DAPK1: variants seen among roughly 807,000 people sequenced by gnomAD.
The protein encoded by DAPK1 is death associated protein kinase 1.
In DAPK1, 56 loss-of-function variants were observed where a neutral mutation model predicts 144.9. The observed-to-expected ratio is 0.39, with a 90% CI of 0.31 to 0.48. DAPK1 has a LOEUF of 0.48. Among genes scored for constraint, DAPK1 ranks in the 20% least tolerant of loss-of-function variants. The pLI, the probability that DAPK1 is intolerant of heterozygous loss-of-function variation, is 0.95. For missense variants in DAPK1, 1,454 were observed against 1,875.4 expected (o/e 0.78, Z 4.15); for synonymous variants, 690 against 749.0 (o/e 0.92, Z 1.29).
At chr9:87,691,862 A>T (rs1291517955) in intron 21 of DAPK1, among the ~76,000 whole-genome samples, 1 of 151,806 alleles carries the variant, frequency 6.6e-6, no homozygotes, top group Non-Finnish European at 1.5e-5. Context: ...TATGATTTCA[A>T]TTTTTTTTAC....
At chr9:87,668,727 A>G (rs1037645412) in intron 19 of DAPK1, 53 bp downstream of exon 19, 20 of 892,616 alleles carry the variant, frequency 2.2e-5, no homozygotes, top group Admixed American at 3.4e-5. Flanking sequence ...TATGTGAAAA[A>G]GTCTCAGTCT....
intron 2 of DAPK1, among the ~76,000 whole-genome samples, chr9:87,510,503 G>C (rs36228940): frequency 3.3e-5 from 5 of 152,156 alleles, no homozygotes; most frequent in Admixed American, 3.3e-4. Context: ...CTCCAGGAAG[G>C]CTCCTGCTCT....
intron 2 of DAPK1, among the ~76,000 whole-genome samples, chr9:87,541,549 GAAAA>G (rs34942132): frequency 1.5e-5 from 2 of 133,360 alleles, no homozygotes; most frequent in Non-Finnish European, 1.6e-5. Flanking sequence ...ACTCTGTCTG[GAAAA>G]AAAAAAAAAA....
At chr9:87,674,086 A>G (rs1243720105) in intron 19 of DAPK1, among the ~76,000 whole-genome samples, 3 of 152,224 alleles carry the variant, frequency 2.0e-5, no homozygotes, top group Non-Finnish European at 4.4e-5. Context: ...CATTTTTACT[A>G]TAATCACTGC....
At chr9:87,499,238 C>A (rs558246931) in intron 2 of DAPK1, 99 bp downstream of exon 2, 186 of 1,092,358 alleles carry the variant, frequency 1.7e-4, no homozygotes, top group Non-Finnish European at 2.2e-4. Flanking sequence ...CAGGCGTCTC[C>A]CTCGCCCTTT....
chr9:87,572,593 G>A (rs933957482), intron 2 of DAPK1, among the ~76,000 whole-genome samples: 1 of 152,066 alleles, frequency 6.6e-6, no homozygotes, highest in Non-Finnish European at 1.5e-5. Flanking sequence ...GTGAGACCTG[G>A]TTGCTGAAAA....
chr9:87,515,086 A>G (rs1824997262), intron 2 of DAPK1, among the ~76,000 whole-genome samples: 2 of 152,218 alleles, frequency 1.3e-5, no homozygotes, highest in African/African-American at 2.4e-5. Flanking sequence ...GTCAAGCACC[A>G]TGTGCATCTT....
At chr9:87,610,284 C>T (rs951806587) in intron 3 of DAPK1, among the ~76,000 whole-genome samples, 1 of 152,224 alleles carries the variant, frequency 6.6e-6, no homozygotes, top group South Asian at 2.1e-4. Flanking sequence ...ATGTCCTCCA[C>T]GTCCCATTGT....
chr9:87,531,099 G>C (rs1293031409), intron 2 of DAPK1, among the ~76,000 whole-genome samples: 14 of 152,138 alleles, frequency 9.2e-5, no homozygotes, highest in Admixed American at 9.2e-4. Context: ...AAGGGGTTAG[G>C]GGGAGAGATC....
chr9:87,561,492 C>G (rs1030985947), intron 2 of DAPK1, among the ~76,000 whole-genome samples: 2 of 151,858 alleles, frequency 1.3e-5, no homozygotes, highest in African/African-American at 2.4e-5. Flanking sequence ...CACCACTGCA[C>G]TCCAGCCTGG....
chr9:87,526,114 C>T (rs1825497846), intron 2 of DAPK1, among the ~76,000 whole-genome samples: 1 of 151,048 alleles, frequency 6.6e-6, no homozygotes, highest in African/African-American at 2.4e-5. Flanking sequence ...TCAGCCCCAG[C>T]CTGGGCAATG....
At chr9:87,516,904 A>G (rs1471679142) in intron 2 of DAPK1, among the ~76,000 whole-genome samples, 1 of 152,098 alleles carries the variant, frequency 6.6e-6, no homozygotes, top group Non-Finnish European at 1.5e-5. Context: ...GATGTAGGTT[A>G]TGGGATGGTC....
chr9:87,618,297 A>T (rs1419833027), intron 3 of DAPK1, among the ~76,000 whole-genome samples: 1 of 152,202 alleles, frequency 6.6e-6, no homozygotes, highest in African/African-American at 2.4e-5. Flanking sequence ...GTTGGTGGGG[A>T]TATGGAGAAA....
At chr9:87,567,167 G>A (rs987834568) in intron 2 of DAPK1, among the ~76,000 whole-genome samples, 3 of 152,180 alleles carry the variant, frequency 2.0e-5, no homozygotes, top group Non-Finnish European at 2.9e-5. Flanking sequence ...ATGGGAACCT[G>A]GTGGACTTTA....
At chr9:87,631,820 CAG>C (rs1200827262) in intron 3 of DAPK1, among the ~76,000 whole-genome samples, 1 of 152,222 alleles carries the variant, frequency 6.6e-6, no homozygotes, top group East Asian at 1.9e-4. Flanking sequence ...GGGGGCCAAA[CAG>C]GGAATAAATT....
chr9:87,505,725 T>C (rs1012450182), intron 2 of DAPK1, among the ~76,000 whole-genome samples: 1 of 152,068 alleles, frequency 6.6e-6, no homozygotes, highest in Non-Finnish European at 1.5e-5. Flanking sequence ...AGTCTTGCTC[T>C]GTTGCCCAGG....
At chr9:87,616,402 T>G (rs913872165) in intron 3 of DAPK1, among the ~76,000 whole-genome samples, 1 of 152,144 alleles carries the variant, frequency 6.6e-6, no homozygotes, top group Non-Finnish European at 1.5e-5. Context: ...AACAGCAGGA[T>G]CTGAAAAAGA....
chr9:87,562,284 C>G (rs577593034), intron 2 of DAPK1, among the ~76,000 whole-genome samples: 1 of 152,302 alleles, frequency 6.6e-6, no homozygotes, highest in East Asian at 1.9e-4. Context: ...ACCCCAATAG[C>G]GAACGTGAGT....
At chr9:87,600,366 G>C (rs1828473851) in intron 2 of DAPK1, among the ~76,000 whole-genome samples, 3 of 152,184 alleles carry the variant, frequency 2.0e-5, no homozygotes, top group African/African-American at 7.2e-5. Flanking sequence ...TGGGAGGACT[G>C]CTTTGAGCCC....
Sources: gnomAD v4.1 joint callset for allele counts (sites outside exome capture counted in the v4.1 genomes callset) on GRCh38, gnomAD v4.1.1 for gene constraint, MANE v1.5 for transcripts, NCBI Gene and HGNC (gene_info 2026-07-23, HGNC 2026-07-21) for gene names.